The following TRAP1 variants were observed in gnomAD, a reference collection of about 807,000 sequenced individuals.
TRAP1 encodes the protein heat shock protein 75 kDa, mitochondrial.
In TRAP1, 102 loss-of-function variants were observed where a neutral mutation model predicts 89.1. That is an observed-to-expected ratio of 1.15 (90% CI 0.98 to 1.35). The LOEUF is 1.35. TRAP1 is among the 40% of genes most tolerant of loss of function. The pLI is 0.00. For synonymous variants in TRAP1, 508 were observed against 388.0 expected, an observed-to-expected ratio of 1.31 and a Z score of -3.64; for missense variants, 1,256 against 945.3, an observed-to-expected ratio of 1.33 and a Z score of -4.31.
intron 1 of TRAP1, among the ~76,000 whole-genome samples, chr16:3,709,016 C>T (rs1483711588): frequency 2.6e-5 from 4 of 151,738 alleles, no homozygotes; most frequent in Admixed American, 6.6e-5. Context: ...GGGGTTTCAC[C>T]GTGTTAGCCA....
At chr16:3,704,743 G>T (rs975270042) in intron 1 of TRAP1, among the ~76,000 whole-genome samples, 12 of 152,070 alleles carry the variant, frequency 7.9e-5, no homozygotes, top group Admixed American at 4.6e-4. Flanking sequence ...GCAGGGCACA[G>T]GGGCTCATGT....
chr16:3,676,211 C>A (rs2050991652), intron 6 of TRAP1, 66 bp from the exon 7 acceptor site: 1 of 1,410,456 alleles, frequency 7.1e-7, no homozygotes, highest in Non-Finnish European at 9.9e-7. Flanking sequence ...GCATGGGACT[C>A]CAGCGGTTCC....
chr16:3,674,449 C>T lies in TRAP1; in HGVS notation c.934G>A (p.Glu312Lys), dbSNP rs957882240. The change falls in exon 9 of 18, where the codon GAG becomes AAG. Residue 312 changes from glutamate (E) to lysine (K), a missense_variant. Physicochemically the swap from Glu to Lys is moderately conservative, Grantham distance 56. Coordinates refer to ENST00000246957, the MANE Select transcript of TRAP1 (RefSeq NM_016292.3). Reference sequence around the variant, plus strand: ...TGCGCGACGTAGCGGTAGAACTCCTCATGTTGCCACTCACGGACATCCTTG... The same window carrying T: ...TGCGCGACGTAGCGGTAGAACTCCTTATGTTGCCACTCACGGACATCCTTG... ...DPKDVREWQH[E>K]EFYRYVAQAH... 16 of 1,613,956 alleles carry T rather than the reference C, an allele frequency of 9.9e-6. No individual in the cohort carries two copies. Among genetic ancestry groups the T allele is most frequent in the Non-Finnish European group, 1.4e-5 (16 of 1,180,030 alleles).
intron 1 of TRAP1, among the ~76,000 whole-genome samples, chr16:3,698,658 G>A (rs995159411): frequency 6.6e-6 from 1 of 151,274 alleles, no homozygotes. Flanking sequence ...TGTAATCCCA[G>A]CACTTTGGGA....
In TRAP1 at chr16:3,662,890, T is replaced by A. The variant is rs1228147406; in HGVS notation, c.1786A>T (p.Asn596Tyr). The change falls in exon 15 of 18, where the codon AAC becomes TAC. Residue 596 changes from asparagine to tyrosine, a missense_variant. Asn to Tyr is a moderately radical substitution (Grantham distance 143). Transcript: ENST00000246957. ...MRNVLGSRVTNVKVTLRLDTH... is the reference protein window; with the variant it reads ...MRNVLGSRVTYVKVTLRLDTH... ...CCCCGGGAAAGCCTCACCTTCACGT[T>A]GGTGACACGCGACCCCAGCACATTT... 6.2e-7 allele frequency: 1 copy of A among 1,613,598 alleles called. No individual in the cohort carries two copies. Among genetic ancestry groups the A allele is most frequent in the Admixed American group, 1.7e-5 (1 of 60,016 alleles).
chr16:3,663,917 G>A (rs974359932), intron 13 of TRAP1: 11 of 350,792 alleles, frequency 3.1e-5, no homozygotes, highest in African/African-American at 2.3e-4. Flanking sequence ...ACAAAAATTT[G>A]CTGGGTGTGG....
intron 5 of TRAP1, 47 bp from the exon 6 acceptor site, chr16:3,677,705 C>G: frequency 6.3e-7 from 1 of 1,590,248 alleles, no homozygotes; most frequent in Non-Finnish European, 8.5e-7. Context: ...CTCCAGAGAG[C>G]AGACACTCCC....
intron 1 of TRAP1, among the ~76,000 whole-genome samples, chr16:3,707,418 C>A (rs1349395042): frequency 6.6e-6 from 1 of 151,162 alleles, no homozygotes; most frequent in Non-Finnish European, 1.5e-5. Context: ...AACTCCTGAA[C>A]TCGTGATCCA....
chr16:3,690,642 G>A (rs889222542), intron 2 of TRAP1, among the ~76,000 whole-genome samples, 185 bp downstream of exon 2: 1 of 152,156 alleles, frequency 6.6e-6, no homozygotes, highest in African/African-American at 2.4e-5. Flanking sequence ...AGACACACCC[G>A]ACACTGGCAG....
rs879270350 is a variant in TRAP1 at position 3,672,607 on chromosome 16, G to C, written c.1165+93C>G. On this transcript the variant is annotated intron_variant, in intron 10 of 17. Coordinates refer to ENST00000246957, the MANE Select transcript of TRAP1 (RefSeq NM_016292.3). Reference sequence around the variant, plus strand: ...CGACGGCGGTGCTCTCGCTGCAGAGGGCTGCTGAGAATGGAATCAGCACGG... The same window carrying C: ...CGACGGCGGTGCTCTCGCTGCAGAGCGCTGCTGAGAATGGAATCAGCACGG... 10 of 1,467,352 alleles carry C rather than the reference G, an allele frequency of 6.8e-6. No individual in the cohort carries two copies. In the Admixed American group the frequency reaches 1.7e-4, roughly 25 times the overall value. 90.9% of individuals were successfully genotyped at this position (1,467,352 alleles called of 1,614,324 possible).
intron 16 of TRAP1, chr16:3,659,738 C>T (rs1309630579): frequency 7.2e-6 from 1 of 139,194 alleles, no homozygotes; most frequent in Non-Finnish European, 1.5e-5. Flanking sequence ...TCCCTTTAAA[C>T]ACTTTTTTTT....
At chr16:3,708,576 G>A (rs1309208845) in intron 1 of TRAP1, among the ~76,000 whole-genome samples, 1 of 152,040 alleles carries the variant, frequency 6.6e-6, no homozygotes, top group Non-Finnish European at 1.5e-5. Context: ...GACGGAGGTT[G>A]CAGTGAGCCA....
chr16:3,695,973 C>A (rs966490892), intron 1 of TRAP1, among the ~76,000 whole-genome samples: 1 of 152,182 alleles, frequency 6.6e-6, no homozygotes, highest in Non-Finnish European at 1.5e-5. Flanking sequence ...TGTGTACAGA[C>A]TGGATGCAGA....
intron 1 of TRAP1, among the ~76,000 whole-genome samples, chr16:3,704,826 C>T (rs936988104): frequency 1.3e-5 from 2 of 151,318 alleles, no homozygotes; most frequent in African/African-American, 4.8e-5. Context: ...CCAGCCTGGG[C>T]AACATAGCAA....
chr16:3,690,696 C>T (rs951739041), intron 2 of TRAP1, 131 bp downstream of exon 2: 3 of 1,014,976 alleles, frequency 3.0e-6, no homozygotes, highest in Admixed American at 3.1e-5. Context: ...GCACTCCCTA[C>T]AGCCAAGACC....
At chr16:3,715,030 C>T (rs1426795778) in intron 1 of TRAP1, among the ~76,000 whole-genome samples, 1 of 152,192 alleles carries the variant, frequency 6.6e-6, no homozygotes, top group Non-Finnish European at 1.5e-5. Context: ...ACAAGGGCAC[C>T]TGCCACGCAG....
In TRAP1 at chr16:3,665,685, G is replaced by A. The variant is rs140297345; in HGVS notation, c.1383+286C>T. On this transcript the variant is annotated intron_variant, in intron 12 of 17. Transcript: ENST00000246957. ...CCAACATCCTCTGAGGGGAGACAGT[G>A]TGTGCACGCCCTCTTCCTGCCACTC... Among the ~76,000 whole-genome samples, 323 of 152,316 alleles carry A rather than the reference G, an allele frequency of 2.1e-3. 1 individual carries two copies. The highest frequency in any genetic ancestry group is 3.9e-3 in the South Asian group (19 of 4,830).
At chr16:3,680,055 C>T (rs1485942650) in intron 4 of TRAP1, 14 of 362,680 alleles carry the variant, frequency 3.9e-5, no homozygotes, top group Non-Finnish European at 1.6e-5. Flanking sequence ...CATGGTAAAA[C>T]CCCATCTCTA....
chr16:3,669,500 C>T (rs1456341335), intron 11 of TRAP1, among the ~76,000 whole-genome samples: 12 of 152,080 alleles, frequency 7.9e-5, no homozygotes, highest in Non-Finnish European at 1.2e-4. Context: ...AGTAACCCCA[C>T]CCCTAGTATT....
Sources: allele counts gnomAD v4.1 joint callset (sites outside exome capture counted in the v4.1 genomes callset), GRCh38; gene constraint gnomAD v4.1.1; transcripts MANE v1.5; gene names NCBI Gene and HGNC (gene_info 2026-07-23, HGNC 2026-07-21).